The following ST3GAL3 variants were observed in gnomAD, a reference collection of about 807,000 sequenced individuals.
ST3GAL3 encodes the protein ST3 beta-galactoside alpha-2,3-sialyltransferase 3.
In ST3GAL3, 21 loss-of-function variants were observed where a neutral mutation model predicts 50.1. That is an observed-to-expected ratio of 0.42 (90% CI 0.30 to 0.60). The LOEUF is 0.60. Ranked by LOEUF, ST3GAL3 falls within the 20% of genes least tolerant of loss-of-function variation. The pLI, the probability that ST3GAL3 is intolerant of heterozygous loss-of-function variation, is 0.19. For synonymous variants in ST3GAL3, 183 were observed against 190.0 expected (o/e 0.96, Z 0.30); for missense variants, 353 against 489.4 (o/e 0.72, Z 2.63).
intron 2 of ST3GAL3, among the ~76,000 whole-genome samples, chr1:43,762,096 T>A (rs1235828195): frequency 6.6e-6 from 1 of 150,428 alleles, no homozygotes; most frequent in East Asian, 1.9e-4. Flanking sequence ...TGAGACCTCG[T>A]CTCTACCGAA....
intron 11 of ST3GAL3, among the ~76,000 whole-genome samples, chr1:43,928,459 G>T (rs1453243532): frequency 6.6e-6 from 1 of 152,092 alleles, no homozygotes; most frequent in Non-Finnish European, 1.5e-5. Flanking sequence ...AATTAGCCAG[G>T]TGTGGTGGCA....
chr1:43,783,477 T>C (rs1461502389), intron 2 of ST3GAL3, among the ~76,000 whole-genome samples: 1 of 152,184 alleles, frequency 6.6e-6, no homozygotes, highest in East Asian at 1.9e-4. Flanking sequence ...TGAGACTCGA[T>C]AGAAAGGTGA....
At chr1:43,849,491 C>A (rs142812251) in intron 5 of ST3GAL3, among the ~76,000 whole-genome samples, 1 of 152,168 alleles carries the variant, frequency 6.6e-6, no homozygotes, top group African/African-American at 2.4e-5. Flanking sequence ...AGCTATAATT[C>A]TTATAGACAT....
intron 9 of ST3GAL3, among the ~76,000 whole-genome samples, chr1:43,908,168 G>A (rs960142610): frequency 7.2e-5 from 11 of 152,102 alleles, no homozygotes; most frequent in Non-Finnish European, 1.3e-4. Context: ...TTCCATATTC[G>A]ACTCTTCAGT....
intron 5 of ST3GAL3, chr1:43,850,813 C>A (rs1469848783): frequency 1.9e-6 from 2 of 1,036,734 alleles, no homozygotes; most frequent in African/African-American, 1.6e-5. Context: ...AGGGCCACAG[C>A]AACCCCAGCA....
chr1:43,846,598 A>C (rs1000148530), intron 5 of ST3GAL3, among the ~76,000 whole-genome samples: 2 of 152,138 alleles, frequency 1.3e-5, no homozygotes, highest in African/African-American at 4.8e-5. Context: ...TGTTTGTGTC[A>C]GGCAGTCCTC....
chr1:43,710,792 C>G (rs1185817542), intron 1 of ST3GAL3, among the ~76,000 whole-genome samples: 2 of 152,162 alleles, frequency 1.3e-5, no homozygotes, highest in African/African-American at 4.8e-5. Flanking sequence ...TGAAGCTTAT[C>G]TGTACTTTTT....
chr1:43,792,284 T>C, intron 3 of ST3GAL3, 135 bp downstream of exon 3: 2 of 1,136,968 alleles, frequency 1.8e-6, no homozygotes, highest in Non-Finnish European at 2.7e-6. Context: ...CAAGAAGCCT[T>C]TCTAGAGACT....
chr1:43,879,409 A>T (rs1288280024), intron 5 of ST3GAL3: 1 of 456,226 alleles, frequency 2.2e-6, no homozygotes, highest in Non-Finnish European at 4.4e-6. Context: ...TCCTCGAGAG[A>T]ATGGACTCTG....
intron 1 of ST3GAL3, among the ~76,000 whole-genome samples, chr1:43,725,715 C>T (rs2154077861): frequency 1.3e-5 from 2 of 152,104 alleles, no homozygotes; most frequent in Middle Eastern, 6.8e-3. Context: ...GGCATGGTCT[C>T]AGTTCACCGC....
intron 2 of ST3GAL3, among the ~76,000 whole-genome samples, chr1:43,785,746 G>A (rs1296721180): frequency 6.6e-6 from 1 of 152,050 alleles, no homozygotes; most frequent in Non-Finnish European, 1.5e-5. Context: ...TCCCCCAACT[G>A]TCTGTACTTC....
intron 2 of ST3GAL3, among the ~76,000 whole-genome samples, chr1:43,770,045 A>G (rs1196602006): frequency 2.6e-5 from 4 of 152,138 alleles, no homozygotes; most frequent in East Asian, 3.9e-4. Context: ...AACTTGAACC[A>G]TGGAGTAAAT....
chr1:43,917,497 T>A lies in ST3GAL3; in HGVS notation c.745-2907T>A, dbSNP rs1233910954. 1.4e-4 allele frequency among the ~76,000 whole-genome samples: 10 copies of A among 71,228 alleles called. No individual in the cohort carries two copies. The South Asian group carries it at 2.6e-3, about 19-fold the overall frequency. The allele number at this position is 71,228 out of a possible 152,430, so 46.7% of individuals were successfully genotyped here. A position where few individuals can be genotyped will look rare whatever the true frequency, so the allele number is the denominator to read the frequency against. The stretch of plus-strand genomic sequence containing the variant: ...TAATATATATAATATATAATATATA[T>A]AATATATTATATAATATAATATATA... On this transcript the variant is annotated intron_variant, in intron 9 of 11. Transcript: ENST00000347631.
intron 2 of ST3GAL3, among the ~76,000 whole-genome samples, chr1:43,752,339 G>A (rs1686477647): frequency 2.0e-5 from 3 of 152,172 alleles, no homozygotes; most frequent in Admixed American, 2.0e-4. Context: ...TTTTAAGTGG[G>A]TTGATCACTA....
intron 2 of ST3GAL3, among the ~76,000 whole-genome samples, chr1:43,777,001 AAGG>A (rs1382182878): frequency 6.6e-6 from 1 of 152,136 alleles, no homozygotes; most frequent in Non-Finnish European, 1.5e-5. Context: ...TCCCAGGTGA[AAGG>A]AGGAATGTCA....
chr1:43,763,805 A>T (rs1380993877), intron 2 of ST3GAL3, among the ~76,000 whole-genome samples: 1 of 152,104 alleles, frequency 6.6e-6, no homozygotes, highest in Non-Finnish European at 1.5e-5. Context: ...GTGTTTTGGA[A>T]TCCTCTATAT....
intron 5 of ST3GAL3, among the ~76,000 whole-genome samples, chr1:43,883,983 A>G (rs944566866): frequency 1.3e-5 from 2 of 152,216 alleles, no homozygotes; most frequent in African/African-American, 4.8e-5. Context: ...ATAGCATCCT[A>G]TTCCAGAATA....
At chr1:43,775,379 GCC>G (rs1696811543) in intron 2 of ST3GAL3, among the ~76,000 whole-genome samples, 1 of 151,832 alleles carries the variant, frequency 6.6e-6, no homozygotes, top group Non-Finnish European at 1.5e-5. Flanking sequence ...GATTACAGGC[GCC>G]CACCACAATG....
chr1:43,778,732 GC>G (rs1293034950), intron 2 of ST3GAL3, among the ~76,000 whole-genome samples: 1 of 127,652 alleles, frequency 7.8e-6, no homozygotes, highest in African/African-American at 3.0e-5. Flanking sequence ...TGCAAGCTCC[GC>G]CTCCCGGGTT....
Sources: allele counts gnomAD v4.1 joint callset (sites outside exome capture counted in the v4.1 genomes callset), GRCh38; gene constraint gnomAD v4.1.1; transcripts MANE v1.5; gene names NCBI Gene and HGNC (gene_info 2026-07-23, HGNC 2026-07-21).